MLXIPL: variants seen among roughly 807,000 people sequenced by gnomAD.
MLXIPL encodes MLX interacting protein like, also known as carbohydrate-responsive element-binding protein.
In MLXIPL, 49 loss-of-function variants were observed where a neutral mutation model predicts 81.5. The observed-to-expected ratio is 0.60, with a 90% CI of 0.48 to 0.76. The LOEUF is 0.76. MLXIPL is among the 30% of genes least tolerant of loss of function. The probability of loss-of-function intolerance (pLI) is 0.00; values close to 1 mark genes in which losing one functional copy is unlikely to be tolerated. For missense variants in MLXIPL, 1,053 were observed against 1,167.0 expected, an observed-to-expected ratio of 0.90 and a Z score of 1.42; for synonymous variants, 466 against 485.5, an observed-to-expected ratio of 0.96 and a Z score of 0.53.
At chr7:73,624,830 G>A (rs1796638996), upstream of MLXIPL, among the ~76,000 whole-genome samples, 1 of 152,162 alleles carries the variant, frequency 6.6e-6, no homozygotes, top group Admixed American at 6.6e-5. Context: ...GGCCAAGGCG[G>A]GAGGATGGCT....
intron 2 of MLXIPL, 59 bp downstream of exon 2, chr7:73,616,012 G>A: frequency 7.0e-7 from 1 of 1,429,770 alleles, no homozygotes; most frequent in Middle Eastern, 1.8e-4. Context: ...GAACCCTCTG[G>A]CAGGAGGGTT....
chr7:73,596,318 G>A lies in MLXIPL; in HGVS notation c.1938+46C>T. On this transcript the variant is annotated intron_variant, in intron 12 of 16. Coordinates refer to ENST00000313375, the MANE Select transcript of MLXIPL (RefSeq NM_032951.3). The surrounding 1 kb of genome is among the most constrained non-coding windows in gnomAD (Gnocchi z 4.7). ...GTGAGCCTAGGAAGGAGCCCAGGAG[G>A]GCCTGGGGGTAGCAAACCGATCTTG... The A allele has an allele frequency of 1.2e-6, 2 of 1,613,108 alleles. No homozygotes were observed. Among genetic ancestry groups the A allele is most frequent in the Non-Finnish European group, 8.5e-7 (1 of 1,179,830 alleles).
At chr7:73,626,334 G>A (rs181583789), upstream of MLXIPL, among the ~76,000 whole-genome samples, 357 of 137,778 alleles carry the variant, frequency 2.6e-3, 1 homozygote, top group Middle Eastern at 0.025. Flanking sequence ...ACAGGGTCTC[G>A]CTCTGTCACC....
chr7:73,603,194 G>A (rs550257946), intron 7 of MLXIPL, among the ~76,000 whole-genome samples: 4 of 152,300 alleles, frequency 2.6e-5, no homozygotes, highest in South Asian at 2.1e-4. Flanking sequence ...GAGAGCTGCC[G>A]TCTTGGTGGT....
chr7:73,631,951 T>C, the MLXIPL span, among the ~76,000 whole-genome samples: 13 of 120,114 alleles, frequency 1.1e-4, no homozygotes, highest in African/African-American at 2.8e-4. Context: ...CTTTTCTCTT[T>C]TCTTTTCTTT....
At chr7:73,625,076 C>G (rs35493868), upstream of MLXIPL, among the ~76,000 whole-genome samples, 24,725 of 151,922 alleles carry the variant, frequency 0.16, 2,105 homozygotes, top group Non-Finnish European at 0.19. Context: ...CCTAGCTACT[C>G]CGAAGGCTGA....
the MLXIPL span, among the ~76,000 whole-genome samples, chr7:73,640,981 C>T: frequency 6.6e-6 from 1 of 151,930 alleles, no homozygotes; most frequent in South Asian, 2.1e-4. Flanking sequence ...TTGTCTGCCA[C>T]TCACAATCTC....
At position 73,595,892 on chromosome 7, in the gene MLXIPL, C is replaced by T. The variant is rs572074172; in HGVS notation, c.2136G>A (p.Glu712=). 1 of 1,612,932 alleles carries T rather than the reference C, an allele frequency of 6.2e-7. No homozygotes were observed. The highest frequency in any genetic ancestry group is 1.7e-5 in the Admixed American group (1 of 59,914). The change falls in exon 14 of 17, where the codon GAG becomes GAA. Residue 712 remains glutamate (E), a synonymous_variant. Transcript: ENST00000313375. ...TCTCATCCCGCAGCTGCTGGGCCTC[C>T]TCCTGCAAGCCCGCACGCTCCTGCT... ...MLQQERAGLQ[E]EAQQLRDEIE...
At chr7:73,631,900 GTCTTT>G in the MLXIPL span, among the ~76,000 whole-genome samples, 1 of 98,264 alleles carries the variant, frequency 1.0e-5, no homozygotes, top group Non-Finnish European at 2.0e-5. Context: ...CCCCTCTCCT[GTCTTT>G]TCTTTTCTTT....
At position 73,594,362 on chromosome 7, in the gene MLXIPL, C is replaced by T; in HGVS notation, c.2352G>A (p.Gly784=). 2 of 1,608,328 alleles carry T rather than the reference C, an allele frequency of 1.2e-6. No individual in the cohort carries two copies. Among genetic ancestry groups the T allele is most frequent in the Non-Finnish European group, 1.7e-6 (2 of 1,180,002 alleles). ...TGTGCACACTTGCCGTGGACACCAT[C>T]CCGTTGAAGGACTCAAACAGAGGCC... The part of the protein sequence containing the change: ...LIRPLFESFN[G]MVSTASVHTL... The change falls in exon 16 of 17, where the codon GGG becomes GGA. Residue 784 remains glycine (G), a synonymous_variant. Coordinates refer to ENST00000313375, the MANE Select transcript of MLXIPL (RefSeq NM_032951.3).
At chr7:73,607,448 C>A in intron 3 of MLXIPL, 28 bp from the exon 4 acceptor site, 1 of 1,540,094 alleles carries the variant, frequency 6.5e-7, no homozygotes, top group East Asian at 2.4e-5. Flanking sequence ...GGAGGGGGAT[C>A]AGTAGAGAGG....
rs533504836 is a variant in MLXIPL, at chr7:73,600,730, G to A, written c.902-1035C>T. Among the ~76,000 whole-genome samples the A allele has an allele frequency of 5.1e-3, 719 of 139,812 alleles. 5 individuals carry two copies. The highest frequency in any genetic ancestry group is 0.02 in the African/African-American group (647 of 32,466). 91.7% of individuals were successfully genotyped at this position (139,812 alleles called of 152,430 possible). The stretch of plus-strand genomic sequence containing the variant: ...TAAGGGTGGGCTCTGAGTGGGGTGG[G>A]GGCGAGAGGGGCCTAAGGGTGGGCT... On this transcript the variant is annotated intron_variant, in intron 7 of 16. Transcript: ENST00000313375.
At chr7:73,625,937 T>C (rs140914842), upstream of MLXIPL, among the ~76,000 whole-genome samples, 89 of 152,286 alleles carry the variant, frequency 5.8e-4, 1 homozygote, top group South Asian at 0.012. Flanking sequence ...CTGAGCCCCT[T>C]CTCTCACTGA....
rs1444377069 is a variant in MLXIPL, at chr7:73,594,423, C to A, written c.2311-20G>T. On this transcript the variant is annotated intron_variant, in intron 15 of 16. Transcript: ENST00000313375. The stretch of plus-strand genomic sequence containing the variant: ...GCTGAACTGGGCCCAGGTCAAGGAG[C>A]TGCCTGTGGTCCAGCTGGTCCCCCC... The A allele has an allele frequency of 6.3e-7, 1 of 1,599,854 alleles. No individual in the cohort carries two copies. Among genetic ancestry groups the A allele is most frequent in the Non-Finnish European group, 8.5e-7 (1 of 1,179,974 alleles).
intron 2 of MLXIPL, 29 bp downstream of exon 2, chr7:73,616,042 G>A (rs996914354): frequency 4.4e-6 from 7 of 1,578,012 alleles, no homozygotes; most frequent in East Asian, 2.2e-5. Context: ...AGTCCCTCCC[G>A]GCTTGGGAGG....
At position 73,596,628 on chromosome 7, in the gene MLXIPL, C is replaced by G; in HGVS notation, c.1822+11G>C. The G allele has an allele frequency of 1.2e-6, 2 of 1,601,492 alleles. No individual in the cohort carries two copies. The highest frequency in any genetic ancestry group is 1.7e-6 in the Non-Finnish European group (2 of 1,174,046). On this transcript the variant is annotated intron_variant, in intron 11 of 16. Transcript: ENST00000313375. This position sits in a 1 kb window ranked among gnomAD's most constrained non-coding sequence, Gnocchi z 4.7. ...CTAGATTCCCCCAATCCCTGCAACC[C>G]CTCTCTTTACCGCTGGGCGCTGGGG...
chr7:73,627,485 G>A (rs553774541), upstream of MLXIPL, among the ~76,000 whole-genome samples: 1 of 152,240 alleles, frequency 6.6e-6, no homozygotes, highest in South Asian at 2.1e-4. Flanking sequence ...CTGACCACAA[G>A]TGATCCACCT....
chr7:73,615,225 G>A (rs1258798623), intron 2 of MLXIPL, among the ~76,000 whole-genome samples: 2 of 152,174 alleles, frequency 1.3e-5, no homozygotes, highest in Non-Finnish European at 2.9e-5. Context: ...TAAGTCCAGA[G>A]TTCCTTCCAC....
chr7:73,642,005 T>A, the MLXIPL span, among the ~76,000 whole-genome samples: 1 of 152,168 alleles, frequency 6.6e-6, no homozygotes, highest in South Asian at 2.1e-4. Context: ...CAAGCCTGCC[T>A]CTACTTCAGA....
Sources: gnomAD v4.1 joint callset for allele counts (sites outside exome capture counted in the v4.1 genomes callset) on GRCh38, gnomAD v4.1.1 for gene constraint, Gnocchi (gnomAD v3.1) non-coding constraint, MANE v1.5 for transcripts, NCBI Gene and HGNC (gene_info 2026-07-23, HGNC 2026-07-21) for gene names.